Variants in CEP41 observed in about 807,000 individuals in gnomAD.
CEP41 encodes centrosomal protein of 41 kDa.
CEP41 carries 32 observed loss-of-function variants against 44.3 expected under a neutral mutation model. The ratio of observed to expected loss-of-function variants is 0.72; its 90% confidence interval spans 0.54 to 0.97. The LOEUF (loss-of-function observed/expected upper bound fraction) is 0.97. Ranked by LOEUF, CEP41 falls within the 50% of genes least tolerant of loss-of-function variation. CEP41 has a pLI of 0.00. For synonymous variants in CEP41, 151 were observed against 168.5 expected (o/e 0.90, Z 0.80); for missense variants, 432 against 455.2 (o/e 0.95, Z 0.46).
chr7:130,413,967 C>T lies in CEP41; in HGVS notation c.146-1727G>A, dbSNP rs182303479. Among the ~76,000 whole-genome samples the T allele has an allele frequency of 1.6e-4, 25 of 152,226 alleles. No homozygotes were observed. The East Asian group carries it at 1.7e-3, about 11-fold the overall frequency. Reference sequence around the variant, plus strand: ...GCTATGGCCTTCACAGCATAAATGTCTCATAAACCAAGACTCCTAGCAACA... The same window carrying T: ...GCTATGGCCTTCACAGCATAAATGTTTCATAAACCAAGACTCCTAGCAACA... On this transcript the variant is annotated intron_variant, in intron 3 of 10. Transcript: ENST00000223208.
At chr7:130,419,681 C>T (rs1409215635) in intron 2 of CEP41, 1 of 985,174 alleles carries the variant, frequency 1.0e-6, no homozygotes, top group Non-Finnish European at 1.2e-6. Flanking sequence ...CCATTGCTTC[C>T]TAACTAAAGC....
chr7:130,431,326 G>A (rs1476178492), intron 1 of CEP41, among the ~76,000 whole-genome samples: 4 of 152,210 alleles, frequency 2.6e-5, no homozygotes, highest in African/African-American at 9.6e-5. Flanking sequence ...AAGGAAGACT[G>A]TTCATTCCAC....
At chr7:130,439,444 T>A (rs1798073666) in intron 1 of CEP41, among the ~76,000 whole-genome samples, 1 of 152,072 alleles carries the variant, frequency 6.6e-6, no homozygotes, top group Non-Finnish European at 1.5e-5. Flanking sequence ...ATAGTCACCA[T>A]GCTGTGCCAG....
At chr7:130,407,282 ACACACACACACACACTCAGATC>A (rs1467512183) in intron 5 of CEP41, among the ~76,000 whole-genome samples, 3 of 151,780 alleles carry the variant, frequency 2.0e-5, no homozygotes, top group African/African-American at 7.3e-5. Context: ...ACACACACAC[ACACACACACACACACTCAGATC>A]CTTTTTTCCT....
chr7:130,434,753 T>C (rs965515741), intron 1 of CEP41, among the ~76,000 whole-genome samples: 2 of 152,236 alleles, frequency 1.3e-5, no homozygotes, highest in Admixed American at 6.5e-5. Flanking sequence ...GTCTGTTTTA[T>C]ATGAAAAATA....
At chr7:130,436,940 G>A (rs10046569) in intron 1 of CEP41, among the ~76,000 whole-genome samples, 20,038 of 152,154 alleles carry the variant, frequency 0.13, 1,439 homozygotes, top group African/African-American at 0.18. Flanking sequence ...TTGGGAAGCT[G>A]AGGCAGGAGA....
chr7:130,436,244 A>G (rs1797960097), intron 1 of CEP41, among the ~76,000 whole-genome samples: 1 of 152,164 alleles, frequency 6.6e-6, no homozygotes, highest in East Asian at 1.9e-4. Flanking sequence ...CTACTGCTAC[A>G]TGCAACAACT....
chr7:130,438,015 A>G (rs1554426614), intron 1 of CEP41, among the ~76,000 whole-genome samples: 1 of 152,170 alleles, frequency 6.6e-6, no homozygotes, highest in Non-Finnish European at 1.5e-5. Flanking sequence ...TCTCGGGCAC[A>G]AACATAACCA....
At chr7:130,430,665 G>A (rs1797797297) in intron 1 of CEP41, among the ~76,000 whole-genome samples, 1 of 152,136 alleles carries the variant, frequency 6.6e-6, no homozygotes, top group Non-Finnish European at 1.5e-5. Context: ...ACAAAAAACA[G>A]GGAAAGTATG....
At chr7:130,418,863 T>C (rs1797417212) in intron 2 of CEP41, among the ~76,000 whole-genome samples, 1 of 152,200 alleles carries the variant, frequency 6.6e-6, no homozygotes, top group Non-Finnish European at 1.5e-5. Flanking sequence ...TATCCAGTCT[T>C]TATTATTGAA....
rs140259402 is a variant in CEP41 at position 130,402,686 on chromosome 7, C to T, written c.536G>A (p.Arg179His). The change falls in exon 7 of 11, where the codon CGT (arginine) becomes CAT (histidine). Residue 179 changes from arginine to histidine, a missense_variant. Arg to His is a conservative substitution (Grantham distance 29). Transcript: ENST00000223208. Reference sequence around the variant, plus strand: ...GCACTGCTGGTAAGAATCTCTATCACGCACATCTAGCAGCAGGAAGGGGCA... The same window carrying T: ...GCACTGCTGGTAAGAATCTCTATCATGCACATCTAGCAGCAGGAAGGGGCA... ...PDCPFLLLDV[R>H]DRDSYQQCHI... 20 of 1,613,986 alleles carry T rather than the reference C, an allele frequency of 1.2e-5. No individual in the cohort carries two copies. Among genetic ancestry groups the T allele is most frequent in the African/African-American group, 4.0e-5 (3 of 74,910 alleles).
Position 130,437,369 on chromosome 7 carries a change from A to C in CEP41, c.33+3565T>G, listed in dbSNP as rs184098199. ...TTTGTAAAGTCACACTGGGGACAAA[A>C]AAAAAAGGTTCCACAAGCTTCCTGA... is the stretch of plus-strand genomic sequence containing the variant. On this transcript the variant is annotated intron_variant, in intron 1 of 10. Transcript: ENST00000223208. Among the ~76,000 whole-genome samples, 1,140 of 151,962 alleles carry C rather than the reference A, an allele frequency of 7.5e-3. 7 individuals are homozygous for C. The highest frequency in any genetic ancestry group is 0.012 in the Non-Finnish European group (809 of 67,956).
chr7:130,436,896 G>C (rs903825093), intron 1 of CEP41, among the ~76,000 whole-genome samples: 1 of 152,060 alleles, frequency 6.6e-6, no homozygotes, highest in Admixed American at 6.6e-5. Flanking sequence ...AAAATTAGCT[G>C]GGCGTGGTGG....
At chr7:130,440,853 C>T in intron 1 of CEP41, 81 bp downstream of exon 1, 2 of 1,548,280 alleles carry the variant, frequency 1.3e-6, no homozygotes, top group Non-Finnish European at 8.8e-7. Flanking sequence ...GCGGAAGTCG[C>T]TGGCTGCTCT....
rs1554413748 is a variant in CEP41 at position 130,394,532 on chromosome 7, G to A, written c.*4359C>T. On this transcript the variant is annotated 3_prime_UTR_variant, in exon 11 of 11. Transcript: ENST00000223208. ...TGCTGAATTTGGGAGGATACTTTAA[G>A]CCTGGCAGAGACAGGGTAATAACAC... 1.1e-5 allele frequency: 5 copies of A among 454,116 alleles called. No homozygotes were observed. The highest frequency in any genetic ancestry group is 6.2e-5 in the South Asian group (4 of 64,472). 28.1% of individuals were successfully genotyped at this position (454,116 alleles called of 1,614,324 possible).
chr7:130,404,298 T>C (rs1242304589), intron 6 of CEP41, among the ~76,000 whole-genome samples: 8 of 152,110 alleles, frequency 5.3e-5, no homozygotes, highest in African/African-American at 1.7e-4. Context: ...AACAAACTTA[T>C]ATGTAGGAGG....
intron 8 of CEP41, among the ~76,000 whole-genome samples, chr7:130,401,468 A>G (rs1030836774): frequency 9.8e-5 from 6 of 61,422 alleles, no homozygotes; most frequent in African/African-American, 4.0e-4. Flanking sequence ...CTGTGTGATT[A>G]TAAGATATTT....
intron 2 of CEP41, among the ~76,000 whole-genome samples, chr7:130,426,089 A>G (rs1387416641): frequency 6.6e-6 from 1 of 152,248 alleles, no homozygotes; most frequent in African/African-American, 2.4e-5. Flanking sequence ...TCAAATGTCA[A>G]TATCACAGTT....
chr7:130,440,261 C>T (rs1584915310), intron 1 of CEP41, among the ~76,000 whole-genome samples: 1 of 152,158 alleles, frequency 6.6e-6, no homozygotes, highest in African/African-American at 2.4e-5. Flanking sequence ...CTTCGTGATC[C>T]GCCCGCCTCG....
Sources: allele counts gnomAD v4.1 joint callset (sites outside exome capture counted in the v4.1 genomes callset), GRCh38; gene constraint gnomAD v4.1.1; transcripts MANE v1.5; gene names NCBI Gene and HGNC (gene_info 2026-07-23, HGNC 2026-07-21).